Variants in ATP8B4 observed in about 807,000 individuals in gnomAD.
ATP8B4 encodes the protein probable phospholipid-transporting ATPase IM.
In ATP8B4, 133 loss-of-function variants were observed where a neutral mutation model predicts 145.6. That is an observed-to-expected ratio of 0.91 (90% CI 0.79 to 1.05). The LOEUF (loss-of-function observed/expected upper bound fraction) is 1.05, where lower values mean the gene tolerates loss of function less well. Ranked by LOEUF, ATP8B4 falls within the 50% of genes least tolerant of loss-of-function variation. ATP8B4 has a pLI of 0.00. For missense variants in ATP8B4, 1,458 were observed against 1,425.2 expected, an observed-to-expected ratio of 1.02 and a Z score of -0.37; for synonymous variants, 507 against 492.9, an observed-to-expected ratio of 1.03 and a Z score of -0.38.
intron 2 of ATP8B4, among the ~76,000 whole-genome samples, chr15:50,081,272 A>T (rs1449228788): frequency 6.6e-6 from 1 of 152,210 alleles, no homozygotes; most frequent in African/African-American, 2.4e-5. Flanking sequence ...ACTGTGTGTT[A>T]TAATCATTTA....
At chr15:50,067,885 C>T (rs780772431) in intron 3 of ATP8B4, among the ~76,000 whole-genome samples, 9 of 152,102 alleles carry the variant, frequency 5.9e-5, no homozygotes, top group Non-Finnish European at 1.3e-4. Flanking sequence ...GAGGAAAAGG[C>T]AACAAACATA....
intron 3 of ATP8B4, among the ~76,000 whole-genome samples, chr15:50,060,755 T>C (rs1295865614): frequency 6.6e-6 from 1 of 152,194 alleles, no homozygotes; most frequent in Non-Finnish European, 1.5e-5. Flanking sequence ...TTTCGGTTTT[T>C]GTTAAAATGC....
At chr15:50,156,525 A>G (rs979417008) in intron 1 of ATP8B4, among the ~76,000 whole-genome samples, 1 of 152,136 alleles carries the variant, frequency 6.6e-6, no homozygotes, top group African/African-American at 2.4e-5. Context: ...CTGGAATATC[A>G]TAAGCAGTGA....
At chr15:50,163,466 CT>C (rs1474837996) in intron 1 of ATP8B4, among the ~76,000 whole-genome samples, 14 of 152,224 alleles carry the variant, frequency 9.2e-5, no homozygotes, top group African/African-American at 3.4e-4. Flanking sequence ...TATTTCTTTA[CT>C]TTTCCCCAAA....
intron 1 of ATP8B4, among the ~76,000 whole-genome samples, chr15:50,180,383 A>C (rs2044827888): frequency 6.6e-6 from 1 of 152,186 alleles, no homozygotes; most frequent in African/African-American, 2.4e-5. Flanking sequence ...AAAATCCTTG[A>C]TGTCTTAGCC....
intron 21 of ATP8B4, among the ~76,000 whole-genome samples, chr15:49,900,653 T>C (rs1407144712): frequency 1.3e-5 from 2 of 152,200 alleles, no homozygotes; most frequent in South Asian, 2.1e-4. Flanking sequence ...GGTATCTTAA[T>C]GGCAATAATT....
At chr15:50,043,068 G>C (rs1324661355) in intron 5 of ATP8B4, among the ~76,000 whole-genome samples, 1 of 152,164 alleles carries the variant, frequency 6.6e-6, no homozygotes, top group African/African-American at 2.4e-5. Flanking sequence ...CCATTTTAAA[G>C]ATACAGATGG....
intron 6 of ATP8B4, among the ~76,000 whole-genome samples, chr15:50,022,355 C>T (rs760865141): frequency 9.8e-5 from 15 of 152,288 alleles, no homozygotes; most frequent in Non-Finnish European, 1.8e-4. Context: ...TCCTCCTATA[C>T]ATTATATTGA....
intron 6 of ATP8B4, chr15:50,019,099 T>C (rs1599844414): frequency 5.9e-6 from 3 of 507,620 alleles, no homozygotes; most frequent in Non-Finnish European, 7.2e-6. Context: ...CCTTTGAGGA[T>C]GACTTTTTAG....
intron 23 of ATP8B4, among the ~76,000 whole-genome samples, chr15:49,888,068 T>C (rs2036402935): frequency 6.6e-6 from 1 of 152,196 alleles, no homozygotes; most frequent in South Asian, 2.1e-4. Flanking sequence ...ATTTGTCATT[T>C]AAAGAAAACA....
Position 50,074,121 on chromosome 15 carries a change from A to C in ATP8B4, c.87+6T>G, listed in dbSNP as rs1396974332. The C allele has an allele frequency of 6.2e-7, 1 of 1,611,124 alleles. No homozygotes were observed. Among genetic ancestry groups the C allele is most frequent in the Non-Finnish European group, 8.5e-7 (1 of 1,177,606 alleles). On this transcript the variant is annotated splice_donor_region_variant and intron_variant, in intron 3 of 27. Coordinates refer to ENST00000284509, the MANE Select transcript of ATP8B4 (RefSeq NM_024837.4). The stretch of plus-strand genomic sequence containing the variant: ...AGTACGTATGTGTTATGTGTGTTTC[A>C]CTTACCGCATACTGGAACTTTTCAT...
intron 10 of ATP8B4, among the ~76,000 whole-genome samples, chr15:49,983,567 C>A (rs746130859): frequency 6.6e-6 from 1 of 152,192 alleles, no homozygotes; most frequent in Non-Finnish European, 1.5e-5. Flanking sequence ...ACTCTGCCCC[C>A]AAAACTAACC....
At chr15:49,920,901 C>T (rs1302808738) in intron 17 of ATP8B4, among the ~76,000 whole-genome samples, 2 of 152,200 alleles carry the variant, frequency 1.3e-5, no homozygotes, top group Non-Finnish European at 2.9e-5. Flanking sequence ...CATGACATCA[C>T]ACCCAAGTCT....
At chr15:50,043,533 A>G (rs1470817644) in intron 5 of ATP8B4, among the ~76,000 whole-genome samples, 1 of 152,202 alleles carries the variant, frequency 6.6e-6, no homozygotes, top group Non-Finnish European at 1.5e-5. Context: ...TAGCCTACTA[A>G]ACATGAAGAT....
Position 50,173,097 on chromosome 15 carries a change from C to T in ATP8B4, c.-43+9164G>A, listed in dbSNP as rs554746189. Among the ~76,000 whole-genome samples the T allele has an allele frequency of 7.4e-5, 11 of 149,294 alleles. No homozygotes were observed. The South Asian group carries it at 8.5e-4, about 12-fold the overall frequency. On this transcript the variant is annotated intron_variant, in intron 1 of 3. Coordinates refer to the ATP8B4 transcript ENST00000558829. ...AGGTGGGGGGCAGCCCCCGCCCAGC[C>T]GCCGCCCCGTCTGGGAGGTGGGGGG...
At chr15:50,056,892 AT>A (rs1050226384) in intron 3 of ATP8B4, among the ~76,000 whole-genome samples, 3 of 151,792 alleles carry the variant, frequency 2.0e-5, no homozygotes, top group Non-Finnish European at 1.5e-5. Context: ...ATTTCTTTTT[AT>A]TTTTTTATTT....
In ATP8B4 at chr15:50,106,929, C is replaced by G; in HGVS notation, c.28+10G>C. 1 of 1,596,508 alleles carries G rather than the reference C, an allele frequency of 6.3e-7. No individual in the cohort carries two copies. The highest frequency in any genetic ancestry group is 2.3e-5 in the East Asian group (1 of 44,240). ...ATCACTTTGCATCATTGGAAGAACT[C>G]AAAACTTACCACGCAATTTCTTTTC... On this transcript the variant is annotated intron_variant, in intron 2 of 27. Coordinates refer to ENST00000284509, the MANE Select transcript of ATP8B4 (RefSeq NM_024837.4).
intron 6 of ATP8B4, chr15:50,018,810 C>G: frequency 1.5e-6 from 1 of 661,750 alleles, no homozygotes; most frequent in Admixed American, 2.8e-5. Flanking sequence ...ATCACGTCAA[C>G]AGATTTCAGT....
chr15:50,010,389 C>T (rs1351310648), intron 7 of ATP8B4, among the ~76,000 whole-genome samples: 3 of 152,062 alleles, frequency 2.0e-5, no homozygotes, highest in South Asian at 2.1e-4. Flanking sequence ...AATCAATACA[C>T]ATTTTCTAAT....
Sources: gnomAD v4.1 joint callset for allele counts (sites outside exome capture counted in the v4.1 genomes callset) on GRCh38, gnomAD v4.1.1 for gene constraint, MANE v1.5 for transcripts, NCBI Gene and HGNC (gene_info 2026-07-23, HGNC 2026-07-21) for gene names.